CDYL2: variants seen among roughly 807,000 people sequenced by gnomAD.
CDYL2 encodes chromodomain Y-like protein 2.
In CDYL2, 23 loss-of-function variants were observed where a neutral mutation model predicts 49.4. That is an observed-to-expected ratio of 0.47 (90% CI 0.34 to 0.66). The LOEUF (loss-of-function observed/expected upper bound fraction) is 0.66. Ranked by LOEUF, CDYL2 falls within the 30% of genes least tolerant of loss-of-function variation. The pLI, the probability that CDYL2 is intolerant of heterozygous loss-of-function variation, is 0.01. For synonymous variants in CDYL2, 360 were observed against 268.8 expected, an observed-to-expected ratio of 1.34 and a Z score of -3.32; for missense variants, 678 against 656.4, an observed-to-expected ratio of 1.03 and a Z score of -0.36.
intron 1 of CDYL2, among the ~76,000 whole-genome samples, chr16:80,700,033 G>C (rs555265285): frequency 6.6e-6 from 1 of 152,170 alleles, no homozygotes; most frequent in Non-Finnish European, 1.5e-5. Context: ...ACGCCTGGCT[G>C]ATTTTTTAGT....
intron 1 of CDYL2, among the ~76,000 whole-genome samples, chr16:80,770,335 T>C (rs894204933): frequency 2.6e-5 from 4 of 152,078 alleles, no homozygotes; most frequent in African/African-American, 9.7e-5. Context: ...AAAGAAGAAA[T>C]CTTACAAGAA....
At chr16:80,694,961 G>C (rs1423200745) in intron 1 of CDYL2, among the ~76,000 whole-genome samples, 2 of 152,202 alleles carry the variant, frequency 1.3e-5, no homozygotes, top group Non-Finnish European at 2.9e-5. Context: ...CTGAGTAACA[G>C]AACAAAATTA....
chr16:80,668,825 T>A (rs184324689), intron 2 of CDYL2, among the ~76,000 whole-genome samples: 1 of 151,854 alleles, frequency 6.6e-6, no homozygotes, highest in Non-Finnish European at 1.5e-5. Context: ...CTTGAACCCA[T>A]GAAGCAGAGG....
chr16:80,777,367 A>G (rs1907122257), intron 1 of CDYL2, among the ~76,000 whole-genome samples: 1 of 152,146 alleles, frequency 6.6e-6, no homozygotes, highest in Non-Finnish European at 1.5e-5. Context: ...GGAATGAATG[A>G]TAAGTCAGAG....
At position 80,678,580 on chromosome 16, in the gene CDYL2, T is replaced by C. The variant is rs565157047; in HGVS notation, c.616+5958A>G. 2.5e-4 allele frequency among the ~76,000 whole-genome samples: 38 copies of C among 151,362 alleles called. 2 individuals are homozygous for C. In the Middle Eastern group the frequency reaches 0.01, roughly 41 times the overall value. ...CAATGAGATACCATCTCACACCAGT[T>C]AGAATGGCAATCATTAAAAAGTCAG... On this transcript the variant is annotated intron_variant, in intron 2 of 6. Coordinates refer to ENST00000570137, the MANE Select transcript of CDYL2 (RefSeq NM_152342.4).
At chr16:80,628,964 A>C (rs1015484553) in intron 3 of CDYL2, among the ~76,000 whole-genome samples, 1 of 152,204 alleles carries the variant, frequency 6.6e-6, no homozygotes, top group African/African-American at 2.4e-5. Context: ...GAGTGAGTGA[A>C]GCAAGGAGGA....
intron 2 of CDYL2, among the ~76,000 whole-genome samples, chr16:80,677,596 G>A (rs1394338568): frequency 2.0e-5 from 3 of 151,878 alleles, no homozygotes; most frequent in South Asian, 4.2e-4. Context: ...AAAATCAGCT[G>A]GGCATGGTGG....
At chr16:80,787,751 T>C (rs139746480) in intron 1 of CDYL2, among the ~76,000 whole-genome samples, 3 of 152,348 alleles carry the variant, frequency 2.0e-5, no homozygotes, top group Non-Finnish European at 4.4e-5. Context: ...AATAGTTTTA[T>C]ATATCTCTTT....
At chr16:80,756,010 A>G (rs1329495775) in intron 1 of CDYL2, among the ~76,000 whole-genome samples, 4 of 152,218 alleles carry the variant, frequency 2.6e-5, no homozygotes, top group African/African-American at 4.8e-5. Context: ...ATTACAAATT[A>G]GTTAGAAAAT....
chr16:80,631,527 G>A (rs572766185), intron 3 of CDYL2, among the ~76,000 whole-genome samples: 1 of 152,204 alleles, frequency 6.6e-6, no homozygotes, highest in Non-Finnish European at 1.5e-5. Context: ...TATTTAAAAA[G>A]TAATGTAGAA....
chr16:80,605,012 C>T (rs147317235), intron 6 of CDYL2, among the ~76,000 whole-genome samples: 2 of 152,256 alleles, frequency 1.3e-5, no homozygotes, highest in Admixed American at 1.3e-4. Flanking sequence ...GTTCAGGCTA[C>T]AATGTTAGTA....
At chr16:80,643,053 C>T (rs138257498) in intron 2 of CDYL2, among the ~76,000 whole-genome samples, 1 of 152,268 alleles carries the variant, frequency 6.6e-6, no homozygotes, top group African/African-American at 2.4e-5. Context: ...GTCCCTTCTG[C>T]CTATAAGCCT....
chr16:80,790,899 G>A (rs754922797), intron 1 of CDYL2, among the ~76,000 whole-genome samples: 2 of 152,206 alleles, frequency 1.3e-5, no homozygotes, highest in African/African-American at 4.8e-5. Context: ...CTCCAGAACA[G>A]TCCGGGAAGA....
chr16:80,607,557 T>C (rs1206563303), intron 6 of CDYL2, among the ~76,000 whole-genome samples: 1 of 152,356 alleles, frequency 6.6e-6, no homozygotes, highest in Non-Finnish European at 1.5e-5. Flanking sequence ...GTGACTGTTA[T>C]GAGATAAAAT....
At chr16:80,635,017 T>C (rs9924545) in intron 2 of CDYL2, among the ~76,000 whole-genome samples, 8,947 of 152,196 alleles carry the variant, frequency 0.059, 803 homozygotes, top group African/African-American at 0.2. Context: ...ATAAAGACAT[T>C]ACAAGAACAC....
At chr16:80,657,467 A>C (rs137938762) in intron 2 of CDYL2, among the ~76,000 whole-genome samples, 1 of 152,316 alleles carries the variant, frequency 6.6e-6, no homozygotes, top group Non-Finnish European at 1.5e-5. Context: ...AAAAATGAAC[A>C]AAAGACAGAA....
Position 80,604,029 on chromosome 16 carries a change from G to A in CDYL2, c.*359C>T. The stretch of plus-strand genomic sequence containing the variant: ...CAAGTCTCCAAGTCAGAGGCACTGT[G>A]TAGACACAGCCTGAGTCAGAAGAAT... On this transcript the variant is annotated 3_prime_UTR_variant, in exon 7 of 7. Transcript: ENST00000570137. The A allele has an allele frequency of 3.8e-6, 1 of 262,582 alleles. No individual in the cohort carries two copies. Among genetic ancestry groups the A allele is most frequent in the South Asian group, 5.7e-5 (1 of 17,616 alleles). The allele number at this position is 262,582 out of a possible 1,614,324, so 16.3% of individuals were successfully genotyped here. A position where few individuals can be genotyped will look rare whatever the true frequency, so the allele number is the denominator to read the frequency against.
Position 80,770,087 on chromosome 16 carries a change from A to C in CDYL2, c.24+34063T>G, listed in dbSNP as rs867264681. Among the ~76,000 whole-genome samples, 9 of 152,248 alleles carry C rather than the reference A, an allele frequency of 5.9e-5. No individual in the cohort carries two copies. The South Asian group carries it at 1.7e-3, about 28-fold the overall frequency. On this transcript the variant is annotated intron_variant, in intron 1 of 6. Transcript: ENST00000570137. ...AATGTGTTAATTAAAAGACGAGTTA[A>C]AACAATTGTCTGAGAATTAAGGATG...
Position 80,616,446 on chromosome 16 carries a change from G to A in CDYL2, c.1008-3610C>T, listed in dbSNP as rs79866420. Among the ~76,000 whole-genome samples the A allele has an allele frequency of 2.3e-3, 345 of 152,316 alleles. 1 individual carries two copies. Among genetic ancestry groups the A allele is most frequent in the African/African-American group, 8.2e-3 (341 of 41,562 alleles). The stretch of plus-strand genomic sequence containing the variant: ...TGATCCATTCTCCTAGGCTACAGGT[G>A]ACCCAGCAGCAAAATTCTGCTCACA... On this transcript the variant is annotated intron_variant, in intron 4 of 6. Transcript: ENST00000570137.
Sources: allele counts gnomAD v4.1 joint callset (sites outside exome capture counted in the v4.1 genomes callset), GRCh38; gene constraint gnomAD v4.1.1; transcripts MANE v1.5; gene names NCBI Gene and HGNC (gene_info 2026-07-23, HGNC 2026-07-21).